The following ADSL variants were observed in gnomAD, a reference collection of about 807,000 sequenced individuals.
ADSL encodes adenylosuccinase.
ADSL carries 44 observed loss-of-function variants against 62.1 expected under a neutral mutation model. The observed-to-expected ratio is 0.71, with a 90% CI of 0.56 to 0.91. The LOEUF (loss-of-function observed/expected upper bound fraction) is 0.91, where lower values mean the gene tolerates loss of function less well. Ranked by LOEUF, ADSL falls within the 40% of genes least tolerant of loss-of-function variation. ADSL has a pLI of 0.00. For missense variants in ADSL, 531 were observed against 627.4 expected, an observed-to-expected ratio of 0.85 and a Z score of 1.64; for synonymous variants, 198 against 220.5, an observed-to-expected ratio of 0.90 and a Z score of 0.90.
At chr22:40,361,174 C>A in intron 7 of ADSL, 99 bp from the exon 8 acceptor site, 1 of 1,147,376 alleles carries the variant, frequency 8.7e-7, no homozygotes, top group Non-Finnish European at 1.3e-6. Flanking sequence ...AGCCACAGCA[C>A]ACCTAAGAGC....
At chr22:40,364,169 T>C (rs1371466195) in intron 10 of ADSL, 107 bp from the exon 11 acceptor site, 3 of 812,692 alleles carry the variant, frequency 3.7e-6, no homozygotes, top group Non-Finnish European at 6.3e-6. Context: ...CTCTCCATAA[T>C]GTGGTAGTTA....
rs1157597276 is a variant in ADSL at position 40,346,596 on chromosome 22, A to G, written c.38A>G (p.Tyr13Cys). 3 of 1,607,736 alleles carry G rather than the reference A, an allele frequency of 1.9e-6. No individual in the cohort carries two copies. The highest frequency in any genetic ancestry group is 2.2e-5 in the South Asian group (2 of 89,726). The change falls in exon 1 of 13, where the codon TAC (tyrosine) becomes TGC (cysteine). Residue 13 changes from tyrosine to cysteine, a missense_variant. Tyr to Cys is a radical substitution (Grantham distance 194, BLOSUM62 -2). This residue lies in a region of ADSL where 60 missense variants were observed against 34.5 expected (regional missense o/e 1.74). Transcript: ENST00000623063. The stretch of plus-strand genomic sequence containing the variant: ...GGCGATCATGGTTCGCCCGACAGCT[A>G]CCGCTCACCTCTTGCCTCCCGCTAT... ...AGGDHGSPDS[Y>C]RSPLASRYAS...
At chr22:40,358,516 C>G (rs552503590) in intron 4 of ADSL, among the ~76,000 whole-genome samples, 13 of 152,052 alleles carry the variant, frequency 8.5e-5, no homozygotes, top group Non-Finnish European at 1.8e-4. Flanking sequence ...CTCCAGAGGT[C>G]GAGGCTACAG....
chr22:40,364,836 C>T (rs766871789), intron 11 of ADSL, 44 bp from the exon 12 acceptor site: 56 of 1,599,922 alleles, frequency 3.5e-5, no homozygotes, highest in South Asian at 7.7e-5. Flanking sequence ...AGTGTTCAAA[C>T]GCCCTGTTAG....
chr22:40,350,316 T>C (rs770658596), intron 2 of ADSL: 2 of 376,862 alleles, frequency 5.3e-6, no homozygotes, highest in Non-Finnish European at 9.9e-6. Flanking sequence ...TTAGTAGAGA[T>C]GGGGTTTCAC....
rs2045044766 is a variant in ADSL, at chr22:40,367,657, C to T, written c.*1135C>T. On this transcript the variant is annotated 3_prime_UTR_variant, in exon 13 of 13. Transcript: ENST00000623063. ...AGCCAAAGATTGAGTTAATTACCTA[C>T]CTGCCAGGAGAGCACTAGTGTTATT... 1 of 167,052 alleles carries T rather than the reference C, an allele frequency of 6.0e-6. No homozygotes were observed. Among genetic ancestry groups the T allele is most frequent in the Non-Finnish European group, 1.5e-5 (1 of 68,142 alleles). The allele number at this position is 167,052 out of a possible 1,614,324, so 10.3% of individuals were successfully genotyped here.
downstream of ADSL, among the ~76,000 whole-genome samples, chr22:40,371,463 C>T (rs937356983): frequency 6.6e-6 from 1 of 152,096 alleles, no homozygotes; most frequent in Non-Finnish European, 1.5e-5. Flanking sequence ...CTTATTCTTT[C>T]TTAGTAAATT....
At chr22:40,353,395 C>G (rs915775321) in intron 3 of ADSL, 3 of 702,444 alleles carry the variant, frequency 4.3e-6, no homozygotes, top group Non-Finnish European at 5.2e-6. Flanking sequence ...CAGGCTCAGA[C>G]AGCTCTCCTG....
intron 4 of ADSL, 45 bp downstream of exon 4, chr22:40,354,372 G>C (rs371623682): frequency 4.8e-6 from 7 of 1,448,868 alleles, no homozygotes; most frequent in Non-Finnish European, 6.8e-6. Flanking sequence ...ATGGCTTTCA[G>C]CTGCTTCTTG....
intron 4 of ADSL, among the ~76,000 whole-genome samples, chr22:40,356,165 G>A (rs2044546958): frequency 6.6e-6 from 1 of 150,868 alleles, no homozygotes; most frequent in Non-Finnish European, 1.5e-5. Flanking sequence ...TTGCACCATT[G>A]CACTCCAGCC....
chr22:40,384,484 AAAG>A (rs1478813238), intron 2 of ADSL, among the ~76,000 whole-genome samples: 2 of 152,166 alleles, frequency 1.3e-5, no homozygotes, highest in Non-Finnish European at 1.5e-5. Flanking sequence ...AAAAAATTAA[AAAG>A]AAATACATAT....
At chr22:40,375,912 G>A (rs573503921) in intron 2 of ADSL, among the ~76,000 whole-genome samples, 2 of 152,042 alleles carry the variant, frequency 1.3e-5, no homozygotes, top group East Asian at 3.9e-4. Flanking sequence ...ATGGTGGCGT[G>A]TGCTTGTGGT....
chr22:40,364,754 C>G, intron 11 of ADSL, 126 bp from the exon 12 acceptor site: 1 of 992,838 alleles, frequency 1.0e-6, no homozygotes, highest in Non-Finnish European at 1.6e-6. Flanking sequence ...ACAGGAACCA[C>G]CTCAGCCTAG....
chr22:40,363,329 A>G (rs376993872), intron 10 of ADSL, among the ~76,000 whole-genome samples: 1 of 152,252 alleles, frequency 6.6e-6, no homozygotes, highest in Non-Finnish European at 1.5e-5. Context: ...GTGACTAGGC[A>G]GAGTAGATGT....
At position 40,367,018 on chromosome 22, in the gene ADSL, A is replaced by G. The variant is rs141090257; in HGVS notation, c.*496A>G. 1 of 167,230 alleles carries G rather than the reference A, an allele frequency of 6.0e-6. No individual in the cohort carries two copies. The highest frequency in any genetic ancestry group is 1.7e-4 in the East Asian group (1 of 5,980). The allele number at this position is 167,230 out of a possible 1,614,324, so 10.4% of individuals were successfully genotyped here. ...AAAAGAACCAAACCCTGATGTGACC[A>G]TCAGGCTGATTGAGCTGAAGTTGTG... On this transcript the variant is annotated 3_prime_UTR_variant, in exon 13 of 13. Coordinates refer to ENST00000623063, the MANE Select transcript of ADSL (RefSeq NM_000026.4).
chr22:40,356,035 A>C (rs1457489755), intron 4 of ADSL, among the ~76,000 whole-genome samples: 1 of 149,876 alleles, frequency 6.7e-6, no homozygotes, highest in Non-Finnish European at 1.5e-5. Flanking sequence ...AAAAATACAA[A>C]AAAAAAAAAA....
At chr22:40,372,192 T>C (rs976965439), downstream of ADSL, among the ~76,000 whole-genome samples, 16 of 132,580 alleles carry the variant, frequency 1.2e-4, no homozygotes, top group Middle Eastern at 8.6e-3. Context: ...AGTGGCGCGA[T>C]CTCGGCTCAC....
chr22:40,353,503 C>T, intron 3 of ADSL: 1 of 663,980 alleles, frequency 1.5e-6, no homozygotes, highest in Non-Finnish European at 2.8e-6. Flanking sequence ...AGGCTGGTCT[C>T]AAACTCCTGA....
At position 40,353,621 on chromosome 22, in the gene ADSL, CT is replaced by C. The variant is rs772788908; in HGVS notation, c.402+526del. ...GACTAAATGGTTTTTAAAGCATAGC[CT>C]TTTTTTTTTTTTTTTTTTTTTGAGA... On this transcript the variant is annotated intron_variant, in intron 3 of 12. Coordinates refer to ENST00000623063, the MANE Select transcript of ADSL (RefSeq NM_000026.4). 8.4e-3 allele frequency among the ~76,000 whole-genome samples: 967 copies of C among 114,752 alleles called. 2 individuals are homozygous for C. Among genetic ancestry groups the C allele is most frequent in the African/African-American group, 0.03 (879 of 29,720 alleles). 75.3% of individuals were successfully genotyped at this position (114,752 alleles called of 152,430 possible). A position where few individuals can be genotyped will look rare whatever the true frequency, so the allele number is the denominator to read the frequency against.
Sources: gnomAD v4.1 joint callset for allele counts (sites outside exome capture counted in the v4.1 genomes callset) on GRCh38, gnomAD v4.1.1 for gene constraint, gnomAD v4.1.1 regional missense constraint, MANE v1.5 for transcripts, NCBI Gene and HGNC (gene_info 2026-07-23, HGNC 2026-07-21) for gene names.